RPS11: variants seen among roughly 807,000 people sequenced by gnomAD.
RPS11 encodes the protein ribosomal protein S11.
For missense variants in RPS11, 127 were observed against 211.4 expected (o/e 0.60, Z 2.48); for synonymous variants, 107 against 78.0 (o/e 1.37, Z -1.96).
chr19:49,496,808 G>T (rs770316630), intron 1 of RPS11, among the ~76,000 whole-genome samples: 2 of 152,066 alleles, frequency 1.3e-5, no homozygotes, highest in Non-Finnish European at 2.9e-5. Flanking sequence ...CTGCCGTCTG[G>T]TATTTAATTC....
intron 3 of RPS11, 36 bp from the exon 4 acceptor site, chr19:49,497,881 C>G (rs755286183): frequency 1.1e-5 from 18 of 1,613,970 alleles, no homozygotes; most frequent in South Asian, 5.5e-5. Context: ...CCCTCTTTCC[C>G]ATGGGACCTG....
intron 1 of RPS11, among the ~76,000 whole-genome samples, chr19:49,496,886 T>A (rs911099493): frequency 1.3e-5 from 2 of 152,070 alleles, no homozygotes; most frequent in Non-Finnish European, 2.9e-5. Context: ...AGAATGATCC[T>A]CGCTGAAAGG....
Position 49,498,066 on chromosome 19 carries a change from A to G in RPS11, c.353+20A>G, listed in dbSNP as rs780421485. The G allele has an allele frequency of 1.9e-6, 3 of 1,611,688 alleles. No individual in the cohort carries two copies. Among genetic ancestry groups the G allele is most frequent in the Non-Finnish European group, 2.5e-6 (3 of 1,179,850 alleles). ...CTTCAGGTGAGCGCAGTGGCCCATC[A>G]GGTTGCTCAGGCCACGCTCTCTCAG... On this transcript the variant is annotated intron_variant, in intron 4 of 4. Transcript: ENST00000270625.
Position 49,499,524 on chromosome 19 carries a change from C to T in RPS11, c.366C>T (p.Ile122=), listed in dbSNP as rs145559297. 20 of 1,613,396 alleles carry T rather than the reference C, an allele frequency of 1.2e-5. No homozygotes were observed. The highest frequency in any genetic ancestry group is 3.3e-4 in the Middle Eastern group (2 of 6,078). ...HLSPCFRDVQ[I]GDIVTVGECR... is the part of the protein sequence containing the mutation. The stretch of plus-strand genomic sequence containing the variant: ...CCTGCCTCCACAGGGACGTCCAGAT[C>T]GGTGACATCGTCACAGTGGGCGAGT... The change falls in exon 5 of 5, where the codon ATC becomes ATT. Residue 122 remains isoleucine (I), a synonymous_variant. Transcript: ENST00000270625.
At chr19:49,498,589 A>G (rs565828304) in intron 4 of RPS11, among the ~76,000 whole-genome samples, 1 of 152,220 alleles carries the variant, frequency 6.6e-6, no homozygotes, top group East Asian at 1.9e-4. Context: ...CTCTCTCTAC[A>G]AAAAATACAA....
chr19:49,496,956 G>C (rs1317748308), intron 1 of RPS11, among the ~76,000 whole-genome samples: 1 of 152,106 alleles, frequency 6.6e-6, no homozygotes, highest in Non-Finnish European at 1.5e-5. Context: ...ATCCCTGAGA[G>C]GCCTTCTGGA....
In RPS11 at chr19:49,496,507, C is replaced by T. The variant is rs774487647; in HGVS notation, c.15+36C>T. ...GGGGTTGGATGCCAGGGTGCGGGGTCCGCCTTGGCCTTCAGGGGCGCGTCC... is the reference window on the plus strand; with the variant it reads ...GGGGTTGGATGCCAGGGTGCGGGGTTCGCCTTGGCCTTCAGGGGCGCGTCC... On this transcript the variant is annotated intron_variant, in intron 1 of 4. Transcript: ENST00000270625. The T allele has an allele frequency of 1.9e-6, 3 of 1,594,516 alleles. No homozygotes were observed. The African/African-American group carries it at 4.1e-5, about 22-fold the overall frequency.
At chr19:49,496,820 G>A (rs1326394449) in intron 1 of RPS11, among the ~76,000 whole-genome samples, 2 of 152,048 alleles carry the variant, frequency 1.3e-5, no homozygotes, top group African/African-American at 2.4e-5. Flanking sequence ...ATTTAATTCT[G>A]AATCCTTATG....
rs375562132 is a variant in RPS11 at position 49,497,901 on chromosome 19, C to G, written c.224-16C>G. Reference sequence around the variant, plus strand: ...TTTCCCATGGGACCTGACCTATGATCGGCCCCCGCTCCTAGGCGTGGTGAC... The same window carrying G: ...TTTCCCATGGGACCTGACCTATGATGGGCCCCCGCTCCTAGGCGTGGTGAC... On this transcript the variant is annotated splice_polypyrimidine_tract_variant and intron_variant, in intron 3 of 4. Transcript: ENST00000270625. The G allele has an allele frequency of 1.2e-6, 2 of 1,613,946 alleles. No individual in the cohort carries two copies. Among genetic ancestry groups the G allele is most frequent in the Non-Finnish European group, 1.7e-6 (2 of 1,180,006 alleles).
intron 3 of RPS11, 81 bp from the exon 4 acceptor site, chr19:49,497,836 C>T (rs775090943): frequency 1.9e-6 from 3 of 1,589,690 alleles, no homozygotes; most frequent in Admixed American, 3.3e-5. Flanking sequence ...TGCTCAGCTG[C>T]TTCTGAGTCC....
intron 4 of RPS11, among the ~76,000 whole-genome samples, chr19:49,498,617 G>A (rs891312275): frequency 1.3e-5 from 2 of 152,124 alleles, no homozygotes; most frequent in Admixed American, 1.3e-4. Flanking sequence ...AGGTGTGGTA[G>A]CATGTGCCTG....
chr19:49,496,701 C>T (rs943498663), intron 1 of RPS11, among the ~76,000 whole-genome samples: 3 of 152,116 alleles, frequency 2.0e-5, no homozygotes, highest in Non-Finnish European at 4.4e-5. Context: ...TAGGACTTAC[C>T]TTCTTAAAAA....
At chr19:49,496,620 T>C (rs1279268628) in intron 1 of RPS11, 149 bp downstream of exon 1, 1 of 824,190 alleles carries the variant, frequency 1.2e-6, no homozygotes, top group Non-Finnish European at 1.9e-6. Context: ...TGGAGGGCGC[T>C]TGCTTTTGTT....
rs2079915600 is a variant in RPS11, at chr19:49,497,962, G to A, written c.269G>A (p.Arg90Gln). Residue 90 changes from arginine (R) to glutamine (Q), a missense_variant, in exon 4 of 5, where the codon CGA (arginine) becomes CAA (glutamine). Arg to Gln is a conservative substitution (Grantham distance 43). Coordinates refer to ENST00000270625, the MANE Select transcript of RPS11 (RefSeq NM_001015.5). ...MKMQRTIVIR[R>Q]DYLHYIRKYN... ...ATGCAGAGGACCATTGTCATCCGCC[G>A]AGACTATCTGCACTACATCCGCAAG... 2.5e-6 allele frequency: 4 copies of A among 1,614,080 alleles called. No individual in the cohort carries two copies. Among genetic ancestry groups the A allele is most frequent in the South Asian group, 1.1e-5 (1 of 91,074 alleles).
At chr19:49,497,358 C>T (rs754205731) in intron 2 of RPS11, 33 bp downstream of exon 2, 2 of 1,613,128 alleles carry the variant, frequency 1.2e-6, no homozygotes, top group Non-Finnish European at 1.7e-6. Context: ...GAAGGGGAAC[C>T]TGGCGTTCCT....
intron 3 of RPS11, 26 bp downstream of exon 3, chr19:49,497,621 G>C (rs767006008): frequency 6.2e-7 from 1 of 1,602,430 alleles, no homozygotes; most frequent in Non-Finnish European, 8.6e-7. Flanking sequence ...ACTGGTGTCT[G>C]GGGCCTGAAA....
At position 49,496,466 on chromosome 19, in the gene RPS11, A is replaced by G. The variant is rs2079906654; in HGVS notation, c.10A>G (p.Ile4Val). 3.7e-6 allele frequency: 6 copies of G among 1,612,106 alleles called. No homozygotes were observed. Among genetic ancestry groups the G allele is most frequent in the African/African-American group, 1.3e-5 (1 of 74,714 alleles). ...TCAGGCGGCCGGGAAGATGGCGGACATTCAGGTGCGGACTCGGGGTTGGAT... is the reference window on the plus strand; with the variant it reads ...TCAGGCGGCCGGGAAGATGGCGGACGTTCAGGTGCGGACTCGGGGTTGGAT... MAD[I>V]QTERAYQKQP... The change falls in exon 1 of 5, where the codon ATT (isoleucine) becomes GTT (valine). Residue 4 changes from isoleucine (I) to valine (V), a missense_variant. By Grantham distance (29) the Ile-to-Val change is conservative. Coordinates refer to ENST00000270625, the MANE Select transcript of RPS11 (RefSeq NM_001015.5).
intron 2 of RPS11, 38 bp downstream of exon 2, chr19:49,497,363 G>T: frequency 6.2e-7 from 1 of 1,612,942 alleles, no homozygotes; most frequent in Non-Finnish European, 8.5e-7. Flanking sequence ...GGAACCTGGC[G>T]TTCCTGCACG....
rs9941462 is a variant in RPS11 at position 49,497,507 on chromosome 19, C to T, written c.148-13C>T. 6.7e-4 allele frequency: 1,084 copies of T among 1,613,228 alleles called. 5 individuals carry two copies. In the African/African-American group the frequency reaches 0.01, roughly 15 times the overall value. On this transcript the variant is annotated splice_polypyrimidine_tract_variant and intron_variant, in intron 2 of 4. Coordinates refer to ENST00000270625, the MANE Select transcript of RPS11 (RefSeq NM_001015.5). The stretch of plus-strand genomic sequence containing the variant: ...GCCCAAGGCTCACTCCTTTATCTTT[C>T]CTATCCTTTCAGGCTATTGAGGGCA...
Sources: gnomAD v4.1 joint callset for allele counts (sites outside exome capture counted in the v4.1 genomes callset) on GRCh38, gnomAD v4.1.1 for gene constraint, MANE v1.5 for transcripts, NCBI Gene and HGNC (gene_info 2026-07-23, HGNC 2026-07-21) for gene names.